Variants in TENM4 observed in about 807,000 individuals in gnomAD.
The protein encoded by TENM4 is teneurin transmembrane protein 4, also known as teneurin-4.
In TENM4, 82 loss-of-function variants were observed where a neutral mutation model predicts 243.3. The ratio of observed to expected loss-of-function variants is 0.34; its 90% CI spans 0.28 to 0.40. The LOEUF is 0.40. TENM4 is among the 10% of genes least tolerant of loss of function. The probability of loss-of-function intolerance (pLI) is 1.00; values close to 1 mark genes in which losing one functional copy is unlikely to be tolerated. For missense variants in TENM4, 3,138 were observed against 3,673.3 expected, an observed-to-expected ratio of 0.85 and a Z score of 3.77; for synonymous variants, 1,412 against 1,456.3, an observed-to-expected ratio of 0.97 and a Z score of 0.69.
intron 2 of TENM4, among the ~76,000 whole-genome samples, chr11:79,280,762 G>T (rs899693566): frequency 6.6e-6 from 1 of 152,138 alleles, no homozygotes; most frequent in Admixed American, 6.5e-5. Context: ...AAACTCCCCA[G>T]TGCGAAAGAG....
At chr11:79,220,918 C>T (rs1864143582) in intron 2 of TENM4, 1 of 152,206 alleles carries the variant, frequency 6.6e-6, no homozygotes, top group South Asian at 2.1e-4. Flanking sequence ...CCTTTAGGAG[C>T]ACATCCAATC....
At chr11:79,389,062 T>C (rs1858175360) in intron 1 of TENM4, among the ~76,000 whole-genome samples, 1 of 152,190 alleles carries the variant, frequency 6.6e-6, no homozygotes, top group African/African-American at 2.4e-5. Context: ...AGGCCAGCAG[T>C]GCTCAGTACT....
rs111498857 is a variant in TENM4 at position 78,901,705 on chromosome 11, T to C, written c.749+1563A>G. 1.5e-3 allele frequency among the ~76,000 whole-genome samples: 221 copies of C among 152,230 alleles called. 2 individuals carry two copies. The highest frequency in any genetic ancestry group is 6.8e-3 in the Middle Eastern group (2 of 294). ...CTTTCAATGAGCACATTGGAAATAA[T>C]GGAGATCTGATTAAGCTACCCTGGG... On this transcript the variant is annotated intron_variant, in intron 7 of 33. Coordinates refer to ENST00000278550, the MANE Select transcript of TENM4 (RefSeq NM_001098816.3).
intron 3 of TENM4, 48 bp downstream of exon 3, chr11:79,215,760 C>T (rs1864040639): frequency 1.0e-6 from 1 of 985,776 alleles, no homozygotes; most frequent in East Asian, 1.1e-4. Flanking sequence ...ATCAAGGCCA[C>T]AAATTTGCAG....
intron 7 of TENM4, among the ~76,000 whole-genome samples, chr11:78,892,642 C>T (rs73500630): frequency 0.031 from 4,726 of 152,244 alleles, 244 homozygotes; most frequent in African/African-American, 0.1. Context: ...AGTACTAATG[C>T]TAAGTATAAT....
intron 3 of TENM4, among the ~76,000 whole-genome samples, chr11:79,164,099 A>ACACTATATATACTAT (rs1862837948): frequency 3.5e-5 from 4 of 113,180 alleles, no homozygotes; most frequent in African/African-American, 1.5e-4. Context: ...ATGTATATAT[A>ACACTATATATACTAT]GTATATATAC....
At chr11:78,958,543 C>T (rs1254667838) in intron 6 of TENM4, among the ~76,000 whole-genome samples, 2 of 152,212 alleles carry the variant, frequency 1.3e-5, no homozygotes, top group Non-Finnish European at 2.9e-5. Flanking sequence ...GTTTTCTTCT[C>T]CACAGGGACA....
chr11:79,355,135 A>G (rs373819587), intron 1 of TENM4, among the ~76,000 whole-genome samples: 2 of 152,214 alleles, frequency 1.3e-5, no homozygotes, highest in African/African-American at 4.8e-5. Context: ...GCCTTTACCA[A>G]TCAGGGCTCA....
intron 14 of TENM4, among the ~76,000 whole-genome samples, chr11:78,811,569 AACACACAC>A (rs749041202): frequency 2.8e-4 from 18 of 65,118 alleles, no homozygotes; most frequent in South Asian, 4.7e-4. Context: ...CATACACATG[AACACACAC>A]ACACACACAC....
At chr11:79,195,146 A>G (rs1389192891) in intron 3 of TENM4, among the ~76,000 whole-genome samples, 7 of 152,196 alleles carry the variant, frequency 4.6e-5, no homozygotes, top group Non-Finnish European at 1.0e-4. Flanking sequence ...AGGTTTGGGA[A>G]CCTCTGCCTA....
intron 12 of TENM4, among the ~76,000 whole-genome samples, chr11:78,852,472 C>T (rs1005093149): frequency 1.3e-5 from 2 of 152,084 alleles, no homozygotes; most frequent in Non-Finnish European, 2.9e-5. Flanking sequence ...CTCACTTGAG[C>T]CCAAGAGTTT....
intron 6 of TENM4, among the ~76,000 whole-genome samples, chr11:78,945,306 A>T (rs1284885488): frequency 6.6e-6 from 1 of 152,234 alleles, no homozygotes. Flanking sequence ...TTAAACTATT[A>T]CTATCTCTGT....
chr11:78,978,012 T>G (rs919198692), intron 6 of TENM4, among the ~76,000 whole-genome samples: 1 of 152,182 alleles, frequency 6.6e-6, no homozygotes, highest in African/African-American at 2.4e-5. Flanking sequence ...CACCATGGAA[T>G]ACTATGCAGC....
chr11:79,425,481 T>C (rs965349538), intron 1 of TENM4, among the ~76,000 whole-genome samples: 3 of 148,178 alleles, frequency 2.0e-5, no homozygotes, highest in African/African-American at 5.0e-5. Flanking sequence ...ACTAAGAGAC[T>C]AGCCCTAAAC....
At chr11:78,881,504 A>C (rs935793080) in intron 9 of TENM4, among the ~76,000 whole-genome samples, 1 of 152,146 alleles carries the variant, frequency 6.6e-6, no homozygotes, top group Non-Finnish European at 1.5e-5. Flanking sequence ...TCCAGGTTCT[A>C]GTAACCCCTC....
At chr11:78,928,183 C>T (rs1338967852) in intron 6 of TENM4, among the ~76,000 whole-genome samples, 1 of 152,162 alleles carries the variant, frequency 6.6e-6, no homozygotes, top group South Asian at 2.1e-4. Flanking sequence ...ACAGAGCAGC[C>T]CCTGGGGGTC....
chr11:79,075,257 G>A (rs536431499), intron 4 of TENM4, among the ~76,000 whole-genome samples: 1 of 152,280 alleles, frequency 6.6e-6, no homozygotes, highest in East Asian at 1.9e-4. Flanking sequence ...AAAATAACTG[G>A]CTTGCAGTCA....
intron 7 of TENM4, among the ~76,000 whole-genome samples, chr11:78,897,567 T>C (rs1477817695): frequency 6.6e-6 from 1 of 152,214 alleles, no homozygotes; most frequent in Non-Finnish European, 1.5e-5. Flanking sequence ...GAGGGAACCA[T>C]GCTCTCTTCT....
intron 1 of TENM4, among the ~76,000 whole-genome samples, chr11:79,374,009 G>A (rs556116162): frequency 1.1e-4 from 17 of 152,198 alleles, no homozygotes; most frequent in Non-Finnish European, 2.1e-4. Context: ...AGGGGGGCAT[G>A]CAGGCAAGCC....
Sources: allele counts gnomAD v4.1 joint callset (sites outside exome capture counted in the v4.1 genomes callset), GRCh38; gene constraint gnomAD v4.1.1; transcripts MANE v1.5; gene names NCBI Gene and HGNC (gene_info 2026-07-23, HGNC 2026-07-21).